Variants in PLCG2 observed in about 807,000 individuals in gnomAD.
PLCG2 encodes 1-phosphatidylinositol 4,5-bisphosphate phosphodiesterase gamma-2.
PLCG2 carries 69 observed loss-of-function variants against 175.6 expected under a neutral mutation model. The ratio of observed to expected loss-of-function variants is 0.39; its 90% CI spans 0.32 to 0.48. The LOEUF (loss-of-function observed/expected upper bound fraction) is 0.48. Ranked by LOEUF, PLCG2 falls within the 20% of genes least tolerant of loss-of-function variation. PLCG2 has a pLI of 0.91. For missense variants in PLCG2, 1,798 were observed against 1,650.9 expected (o/e 1.09, Z -1.54); for synonymous variants, 827 against 624.0 (o/e 1.33, Z -4.85).
chr16:81,850,078 G>A (rs923739060), intron 2 of PLCG2, among the ~76,000 whole-genome samples: 3 of 152,170 alleles, frequency 2.0e-5, no homozygotes, highest in African/African-American at 7.2e-5. Context: ...TAAACAAGGA[G>A]ACTCCGTAGG....
intron 2 of PLCG2, 39 bp from the exon 3 acceptor site, chr16:81,854,405 A>T: frequency 6.2e-7 from 1 of 1,601,330 alleles, no homozygotes; most frequent in Non-Finnish European, 8.6e-7. Flanking sequence ...GGTGGAGGGA[A>T]CTCCAGCTTC....
intron 1 of PLCG2, among the ~76,000 whole-genome samples, chr16:81,781,872 C>T (rs11649360): frequency 8.3e-6 from 1 of 119,944 alleles, no homozygotes; most frequent in South Asian, 2.3e-4. Flanking sequence ...CTTTCCCCCC[C>T]CCCCCCCGCC....
intron 2 of PLCG2, among the ~76,000 whole-genome samples, chr16:81,837,478 C>T (rs1479177678): frequency 2.6e-5 from 4 of 152,176 alleles, no homozygotes; most frequent in Admixed American, 6.5e-5. Context: ...TGGCAGAAGG[C>T]GGAGCCCAGA....
In PLCG2 at chr16:81,854,311, A is replaced by G. The variant is rs1269999116; in HGVS notation, c.194-133A>G. On this transcript the variant is annotated intron_variant, in intron 2 of 32. Coordinates refer to ENST00000564138, the MANE Select transcript of PLCG2 (RefSeq NM_002661.5). ...CAGAAGGAGGGGACACTGAGTCCAG[A>G]CGCAGAGATAGCTTTGCGGGATCCT... 6.3e-6 allele frequency: 5 copies of G among 791,484 alleles called. No individual in the cohort carries two copies. The Admixed American group carries it at 1.1e-4, about 17-fold the overall frequency. The allele number at this position is 791,484 out of a possible 1,614,324, so 49.0% of individuals were successfully genotyped here. A position where few individuals can be genotyped will look rare whatever the true frequency, so the allele number is the denominator to read the frequency against.
In PLCG2 at chr16:81,962,366, T is replaced by G. The variant is rs1406764384; in HGVS notation, c.*4368T>G. 4.8e-6 allele frequency: 1 copy of G among 208,560 alleles called. No homozygotes were observed. The highest frequency in any genetic ancestry group is 9.7e-6 in the Non-Finnish European group (1 of 102,696). The allele number at this position is 208,560 out of a possible 1,614,324, so 12.9% of individuals were successfully genotyped here. A position where few individuals can be genotyped will look rare whatever the true frequency, so the allele number is the denominator to read the frequency against. On this transcript the variant is annotated 3_prime_UTR_variant, in exon 33 of 33. Transcript: ENST00000564138. Reference sequence around the variant, plus strand: ...AATTAGATTTGGAATTATACAGAATTAGAAAATTGGCATTTAAAAATACTC... The same window carrying G: ...AATTAGATTTGGAATTATACAGAATGAGAAAATTGGCATTTAAAAATACTC...
rs1243041169 is a variant in PLCG2 at position 81,869,229 on chromosome 16, G to T, written c.495G>T (p.Glu165Asp). The T allele has an allele frequency of 6.2e-7, 1 of 1,613,928 alleles. No homozygotes were observed. The highest frequency in any genetic ancestry group is 1.1e-5 in the South Asian group (1 of 91,084). Residue 165 changes from glutamate (E) to aspartate (D), a missense_variant, in exon 6 of 33, where the codon GAG becomes GAT. Coordinates refer to ENST00000564138, the MANE Select transcript of PLCG2 (RefSeq NM_002661.5). Reference sequence around the variant, plus strand: ...TCTTTTGCAGCATCAGTCTCCGAGAGTTGAAGACCATCTTGCCCCTGATCA... The same window carrying T: ...TCTTTTGCAGCATCAGTCTCCGAGATTTGAAGACCATCTTGCCCCTGATCA... ...QTRRNSISLR[E>D]LKTILPLINF...
At chr16:81,828,875 G>C (rs557142363) in intron 2 of PLCG2, among the ~76,000 whole-genome samples, 3 of 152,146 alleles carry the variant, frequency 2.0e-5, no homozygotes, top group Admixed American at 6.6e-5. Flanking sequence ...GCCGAGGTGG[G>C]TGGATCATGA....
intron 7 of PLCG2, among the ~76,000 whole-genome samples, chr16:81,876,665 C>T (rs913556745): frequency 1.4e-4 from 22 of 152,338 alleles, no homozygotes; most frequent in African/African-American, 5.1e-4. Flanking sequence ...ACCCAAGAGG[C>T]ACAGTGGTTA....
chr16:81,860,166 ATTATTATTTT>A (rs1297261218), intron 5 of PLCG2, among the ~76,000 whole-genome samples: 2 of 99,672 alleles, frequency 2.0e-5, no homozygotes, highest in Non-Finnish European at 4.5e-5. Context: ...TATTATTATT[ATTATTATTTT>A]TTTTTTTTTT....
At chr16:81,739,267 G>C (rs1331604356) in exon 1 of PLCG2, 1 of 151,960 alleles carries the variant, frequency 6.6e-6, no homozygotes, top group African/African-American at 2.4e-5. Context: ...AGGGCCCTTG[G>C]GCACAGGGGA....
At position 81,802,615 on chromosome 16, in the gene PLCG2, G is replaced by A. The variant is rs555442516; in HGVS notation, c.193+16433G>A. Among the ~76,000 whole-genome samples, 5 of 149,382 alleles carry A rather than the reference G, an allele frequency of 3.3e-5. No individual in the cohort carries two copies. The East Asian group carries it at 6.0e-4, about 18-fold the overall frequency. ...TGAGTGGAGTTTCACTCTTGTCGCC[G>A]GGCTGGAGTGCAGTGGCGCAATCTC... is the stretch of plus-strand genomic sequence containing the variant. On this transcript the variant is annotated intron_variant, in intron 2 of 32. Coordinates refer to ENST00000564138, the MANE Select transcript of PLCG2 (RefSeq NM_002661.5).
chr16:81,933,578 T>G (rs1408738987), intron 25 of PLCG2, among the ~76,000 whole-genome samples: 1 of 149,282 alleles, frequency 6.7e-6, no homozygotes, highest in Non-Finnish European at 1.5e-5. Flanking sequence ...TGTTTTTTGT[T>G]TTTTTTTTTT....
intron 2 of PLCG2, among the ~76,000 whole-genome samples, chr16:81,810,502 G>T (rs975679734): frequency 6.6e-6 from 1 of 152,206 alleles, no homozygotes; most frequent in Non-Finnish European, 1.5e-5. Context: ...ATGCAGACTG[G>T]TGAAAAATTT....
In PLCG2 at chr16:81,961,476, C is replaced by G. The variant is rs1236375140; in HGVS notation, c.*3478C>G. 4.5e-6 allele frequency: 1 copy of G among 224,340 alleles called. No individual in the cohort carries two copies. Among genetic ancestry groups the G allele is most frequent in the African/African-American group, 2.2e-5 (1 of 44,884 alleles). The allele number at this position is 224,340 out of a possible 1,614,324, so 13.9% of individuals were successfully genotyped here. A position where few individuals can be genotyped will look rare whatever the true frequency, so the allele number is the denominator to read the frequency against. On this transcript the variant is annotated 3_prime_UTR_variant, in exon 33 of 33. Coordinates refer to ENST00000564138, the MANE Select transcript of PLCG2 (RefSeq NM_002661.5). ...TCCAGAGGAAAATTTTAAAGGCTTA[C>G]AGCCTTAGGATTATAGGATACTATA...
At chr16:81,905,362 G>C (rs762274839) in intron 14 of PLCG2, 41 bp from the exon 15 acceptor site, 1 of 1,417,724 alleles carries the variant, frequency 7.1e-7, no homozygotes, top group Admixed American at 1.7e-5. Flanking sequence ...CCTAAACTTG[G>C]GTCTCCATGG....
chr16:81,900,655 C>T lies in PLCG2; in HGVS notation c.1237C>T (p.Gln413Ter). 1 of 1,611,966 alleles carries T rather than the reference C, an allele frequency of 6.2e-7. No homozygotes were observed. The highest frequency in any genetic ancestry group is 8.5e-7 in the Non-Finnish European group (1 of 1,178,220). The change falls in exon 14 of 33, where the codon CAA (glutamine) becomes TAA (stop). Residue 413 changes from glutamine (Q) to a stop codon, truncating the protein, a stop_gained. Coordinates refer to ENST00000564138, the MANE Select transcript of PLCG2 (RefSeq NM_002661.5). LOFTEE classifies it high-confidence loss of function. The stretch of plus-strand genomic sequence containing the variant: ...CATCGAGGAGCACTGCAGCGTGGAG[C>T]AACAGCGTCACATGGCCAAGGCCTT... ...LSIEEHCSVE[Q>*]QRHMAKAFKE...
At chr16:81,800,877 C>G (rs1343706819) in intron 2 of PLCG2, among the ~76,000 whole-genome samples, 2 of 151,946 alleles carry the variant, frequency 1.3e-5, no homozygotes, top group Non-Finnish European at 2.9e-5. Flanking sequence ...TCACAAAGGT[C>G]CTTGCAGGAG....
intron 7 of PLCG2, among the ~76,000 whole-genome samples, chr16:81,874,138 A>C (rs758150027): frequency 2.0e-4 from 31 of 152,194 alleles, no homozygotes; most frequent in Non-Finnish European, 3.5e-4. Context: ...TTAAAAATTA[A>C]TTGCCTACAT....
chr16:81,894,582 G>C (rs955885849), intron 12 of PLCG2, among the ~76,000 whole-genome samples: 2 of 151,926 alleles, frequency 1.3e-5, no homozygotes, highest in Admixed American at 6.6e-5. Flanking sequence ...CTGAGAAAAG[G>C]CAACAACCAG....
Sources: allele counts gnomAD v4.1 joint callset (sites outside exome capture counted in the v4.1 genomes callset), GRCh38; gene constraint gnomAD v4.1.1; transcripts MANE v1.5; gene names NCBI Gene and HGNC (gene_info 2026-07-23, HGNC 2026-07-21).